ELF5: variants seen among roughly 807,000 people sequenced by gnomAD.
The protein encoded by ELF5 is ETS-related transcription factor Elf-5.
In ELF5, 31 loss-of-function variants were observed where a neutral mutation model predicts 38.2. The ratio of observed to expected loss-of-function variants is 0.81; its 90% CI spans 0.61 to 1.10. The LOEUF (loss-of-function observed/expected upper bound fraction) is 1.10, where lower values mean the gene tolerates loss of function less well. Ranked by LOEUF, ELF5 falls within the 50% of genes least tolerant of loss-of-function variation. ELF5 has a pLI of 0.00. For synonymous variants in ELF5, 121 were observed against 112.5 expected, an observed-to-expected ratio of 1.08 and a Z score of -0.48; for missense variants, 300 against 306.6, an observed-to-expected ratio of 0.98 and a Z score of 0.16.
chr11:34,499,304 C>T (rs973287353), intron 2 of ELF5, among the ~76,000 whole-genome samples: 4 of 152,212 alleles, frequency 2.6e-5, no homozygotes, highest in Middle Eastern at 3.4e-3. Context: ...TGCAGTTGCT[C>T]GAACATGGCT....
chr11:34,492,528 T>C (rs1333570956), intron 3 of ELF5: 2 of 152,256 alleles, frequency 1.3e-5, no homozygotes, highest in Non-Finnish European at 2.9e-5. Context: ...TTCTTAAAAC[T>C]GAGCTGAGAT....
At chr11:34,503,466 C>T (rs539793944) in intron 2 of ELF5, among the ~76,000 whole-genome samples, 58 of 140,098 alleles carry the variant, frequency 4.1e-4, no homozygotes, top group Admixed American at 6.4e-4. Context: ...GCTCCCCAAC[C>T]TTTTTTTTTT....
chr11:34,499,315 C>T (rs1221720523), intron 2 of ELF5, among the ~76,000 whole-genome samples: 1 of 152,126 alleles, frequency 6.6e-6, no homozygotes, highest in African/African-American at 2.4e-5. Flanking sequence ...GAACATGGCT[C>T]ACCGCAGGCT....
intron 3 of ELF5, chr11:34,491,889 T>C (rs1299620704): frequency 6.6e-6 from 1 of 152,254 alleles, no homozygotes. Flanking sequence ...AGGTTTTTTT[T>C]GTTTGTTTGT....
intron 4 of ELF5, among the ~76,000 whole-genome samples, chr11:34,485,851 T>C (rs1849979851): frequency 6.6e-6 from 1 of 152,048 alleles, no homozygotes. Flanking sequence ...GGTGGATCTG[T>C]AGCACCACCG....
At position 34,505,879 on chromosome 11, in the gene ELF5, A is replaced by G. The variant is rs1378129938; in HGVS notation, c.-4-126T>C. The G allele has an allele frequency of 8.5e-6, 10 of 1,172,118 alleles. No homozygotes were observed. In the African/African-American group the frequency reaches 1.6e-4, roughly 18 times the overall value. The allele number at this position is 1,172,118 out of a possible 1,614,324, so 72.6% of individuals were successfully genotyped here. On this transcript the variant is annotated intron_variant, in intron 1 of 6. Coordinates refer to ENST00000257832, the MANE Select transcript of ELF5 (RefSeq NM_001422.4). ...GATAACAAATATGTCACTCACTAGG[A>G]GCAGGCACCGCCTAGTGTCACCTAC...
chr11:34,489,130 T>C (rs1850091655), intron 4 of ELF5, among the ~76,000 whole-genome samples: 1 of 152,266 alleles, frequency 6.6e-6, no homozygotes, highest in Non-Finnish European at 1.5e-5. Context: ...GTCCACGAAC[T>C]GGCCATTCCT....
intron 2 of ELF5, among the ~76,000 whole-genome samples, chr11:34,498,647 C>T (rs993286851): frequency 6.6e-6 from 1 of 152,116 alleles, no homozygotes; most frequent in Non-Finnish European, 1.5e-5. Context: ...GGTGCTGTAT[C>T]CCCAGGGTGC....
At chr11:34,497,898 TG>T (rs1348670218) in intron 2 of ELF5, among the ~76,000 whole-genome samples, 3 of 152,220 alleles carry the variant, frequency 2.0e-5, no homozygotes, top group Non-Finnish European at 4.4e-5. Flanking sequence ...TCAAGATTAT[TG>T]TTTGGAGTGG....
At chr11:34,489,900 G>T in intron 4 of ELF5, 109 bp downstream of exon 4, 2 of 1,312,158 alleles carry the variant, frequency 1.5e-6, no homozygotes, top group Non-Finnish European at 1.1e-6. Flanking sequence ...CCAGGTCTGG[G>T]ATTGTTTTGG....
At chr11:34,508,327 C>A (rs1345076004) in intron 1 of ELF5, among the ~76,000 whole-genome samples, 1 of 151,394 alleles carries the variant, frequency 6.6e-6, no homozygotes, top group Non-Finnish European at 1.5e-5. Flanking sequence ...CATGGTGAAA[C>A]CCCCGTCTCT....
chr11:34,482,995 G>A (rs2133870463), intron 4 of ELF5, among the ~76,000 whole-genome samples: 1 of 152,134 alleles, frequency 6.6e-6, no homozygotes, highest in Middle Eastern at 3.4e-3. Context: ...TGCCAGAGTA[G>A]TATATGAGTT....
intron 4 of ELF5, among the ~76,000 whole-genome samples, chr11:34,487,107 T>C (rs534168384): frequency 6.6e-6 from 1 of 152,108 alleles, no homozygotes; most frequent in African/African-American, 2.4e-5. Context: ...AGGGTTTCTG[T>C]TTGGGGAAAG....
intron 4 of ELF5, among the ~76,000 whole-genome samples, chr11:34,488,471 C>A (rs958634766): frequency 6.6e-6 from 1 of 152,158 alleles, no homozygotes; most frequent in African/African-American, 2.4e-5. Flanking sequence ...TAGGGCTTGT[C>A]TCATATTGGG....
chr11:34,489,841 C>T lies in ELF5; in HGVS notation c.406+168G>A, dbSNP rs185507225. Among the ~76,000 whole-genome samples, 211 of 151,902 alleles carry T rather than the reference C, an allele frequency of 1.4e-3. 1 individual carries two copies. The highest frequency in any genetic ancestry group is 4.9e-3 in the African/African-American group (202 of 41,412). ...CTATGGTCCTACAGACCCACACCCACGCTCTTTCTGTCACACTCTTTCCAC... is the reference window on the plus strand; with the variant it reads ...CTATGGTCCTACAGACCCACACCCATGCTCTTTCTGTCACACTCTTTCCAC... On this transcript the variant is annotated intron_variant, in intron 4 of 6. Transcript: ENST00000257832.
intron 1 of ELF5, among the ~76,000 whole-genome samples, chr11:34,509,931 G>A (rs1283048924): frequency 2.0e-5 from 3 of 152,046 alleles, no homozygotes; most frequent in Non-Finnish European, 2.9e-5. Flanking sequence ...TACAAAACAC[G>A]ACAGTGGGAA....
At chr11:34,490,399 C>A (rs1480451377) in intron 3 of ELF5, among the ~76,000 whole-genome samples, 2 of 152,184 alleles carry the variant, frequency 1.3e-5, no homozygotes, top group African/African-American at 2.4e-5. Flanking sequence ...GATCCCTGTG[C>A]AGCCTTGCTC....
chr11:34,484,481 A>ATACTATACTATACTAT (rs111444312), intron 4 of ELF5, among the ~76,000 whole-genome samples: 3 of 115,854 alleles, frequency 2.6e-5, no homozygotes, highest in African/African-American at 1.0e-4. Context: ...ACACTATACT[A>ATACTATACTATACTAT]ACTATACTAT....
intron 2 of ELF5, among the ~76,000 whole-genome samples, chr11:34,504,400 C>CGTGTGTGTGTGTGCACGCGTGT (rs1554943697): frequency 2.2e-4 from 34 of 151,720 alleles, no homozygotes; most frequent in African/African-American, 6.5e-4. Flanking sequence ...TTCACATGTG[C>CGTGTGTGTGTGTGCACGCGTGT]GTGTGTGTGT....
Sources: allele counts gnomAD v4.1 joint callset (sites outside exome capture counted in the v4.1 genomes callset), GRCh38; gene constraint gnomAD v4.1.1; transcripts MANE v1.5; gene names NCBI Gene and HGNC (gene_info 2026-07-23, HGNC 2026-07-21).